The following UBASH3B variants were observed in gnomAD, a reference collection of about 807,000 sequenced individuals.
UBASH3B encodes ubiquitin-associated and SH3 domain-containing protein B.
UBASH3B carries 37 observed loss-of-function variants against 83.4 expected under a neutral mutation model. The ratio of observed to expected loss-of-function variants is 0.44; its 90% CI spans 0.34 to 0.58. The LOEUF is 0.58. UBASH3B is among the 20% of genes least tolerant of loss of function. UBASH3B has a pLI of 0.01. For missense variants in UBASH3B, 657 were observed against 827.2 expected (o/e 0.79, Z 2.52); for synonymous variants, 304 against 318.3 (o/e 0.96, Z 0.48).
intron 1 of UBASH3B, among the ~76,000 whole-genome samples, chr11:122,706,041 T>C (rs1006955098): frequency 1.3e-5 from 2 of 151,766 alleles, no homozygotes; most frequent in African/African-American, 2.4e-5. Flanking sequence ...GGTCAAAATG[T>C]CCATCATGAA....
At position 122,806,457 on chromosome 11, in the gene UBASH3B, C is replaced by T; in HGVS notation, c.1643C>T (p.Thr548Ile). The T allele has an allele frequency of 6.2e-7, 1 of 1,606,164 alleles. No individual in the cohort carries two copies. The highest frequency in any genetic ancestry group is 8.5e-7 in the Non-Finnish European group (1 of 1,177,470). The change falls in exon 12 of 14, where the codon ACT becomes ATT. Residue 548 changes from threonine (T) to isoleucine (I), a missense_variant. Coordinates refer to ENST00000284273, the MANE Select transcript of UBASH3B (RefSeq NM_032873.5). This position sits in a 1 kb window ranked among gnomAD's most constrained non-coding sequence, Gnocchi z 4.0. Reference sequence around the variant, plus strand: ...TTAGTTGTTTCAGAATCCTATGATACTTATATCAGTAGAAGTTTCCAAGTA... The same window carrying T: ...TTAGTTGTTTCAGAATCCTATGATATTTATATCAGTAGAAGTTTCCAAGTA... ...SKLVVSESYD[T>I]YISRSFQVTK...
intron 11 of UBASH3B, among the ~76,000 whole-genome samples, chr11:122,804,597 C>T (rs1861306642): frequency 6.6e-6 from 1 of 152,112 alleles, no homozygotes; most frequent in African/African-American, 2.4e-5. Flanking sequence ...TTTTGTCATC[C>T]ATAAACAGCA....
At chr11:122,763,765 A>G (rs1860484990) in intron 1 of UBASH3B, among the ~76,000 whole-genome samples, 1 of 152,218 alleles carries the variant, frequency 6.6e-6, no homozygotes. Flanking sequence ...TGTGATCAAT[A>G]TATCTTTCTC....
intron 1 of UBASH3B, among the ~76,000 whole-genome samples, chr11:122,754,990 G>A (rs1170864235): frequency 6.6e-6 from 1 of 152,176 alleles, no homozygotes; most frequent in African/African-American, 2.4e-5. Flanking sequence ...GCGGTGGAAT[G>A]GGCACTTGAC....
chr11:122,656,380 G>T (rs889089068), intron 1 of UBASH3B, among the ~76,000 whole-genome samples, 170 bp downstream of exon 1: 2 of 152,094 alleles, frequency 1.3e-5, no homozygotes, highest in Non-Finnish European at 2.9e-5. Flanking sequence ...CTCGGCTCCG[G>T]GCGGGGGTGC....
chr11:122,656,739 A>G (rs1863369861), intron 1 of UBASH3B, among the ~76,000 whole-genome samples: 1 of 152,016 alleles, frequency 6.6e-6, no homozygotes, highest in Admixed American at 6.6e-5. Flanking sequence ...CTCCCCCTGG[A>G]GTAGGAGGAG....
At chr11:122,660,405 AG>A (rs1863423333) in intron 1 of UBASH3B, among the ~76,000 whole-genome samples, 2 of 152,200 alleles carry the variant, frequency 1.3e-5, no homozygotes, top group Admixed American at 1.3e-4. Context: ...CCCTGTTTTA[AG>A]GGTTCTAAAA....
chr11:122,754,284 G>C (rs182021177), intron 1 of UBASH3B, among the ~76,000 whole-genome samples: 19 of 152,226 alleles, frequency 1.2e-4, no homozygotes, highest in Admixed American at 8.5e-4. Flanking sequence ...GATGTTTCAG[G>C]CTTCTCTGTC....
intron 1 of UBASH3B, among the ~76,000 whole-genome samples, chr11:122,762,929 T>C (rs531781598): frequency 6.6e-6 from 1 of 152,384 alleles, no homozygotes; most frequent in East Asian, 1.9e-4. Context: ...AAAGGTTATT[T>C]GTGTTAAGTA....
At chr11:122,684,796 C>T (rs1261021765) in intron 1 of UBASH3B, among the ~76,000 whole-genome samples, 1 of 152,124 alleles carries the variant, frequency 6.6e-6, no homozygotes, top group Non-Finnish European at 1.5e-5. Context: ...CGGGATTTCT[C>T]CATGTTGGTC....
chr11:122,658,429 T>C lies in UBASH3B; in HGVS notation c.161+2219T>C, dbSNP rs577477913. On this transcript the variant is annotated intron_variant, in intron 1 of 13. Coordinates refer to ENST00000284273, the MANE Select transcript of UBASH3B (RefSeq NM_032873.5). ...GAGGTCTTGACATGTCTTGACAGAT[T>C]AGCATAAGGGTCATTTTTGGCTTGT... Among the ~76,000 whole-genome samples the C allele has an allele frequency of 4.6e-5, 7 of 152,336 alleles. No individual in the cohort carries two copies. The East Asian group carries it at 1.3e-3, about 29-fold the overall frequency.
chr11:122,754,510 G>C (rs1861253077), intron 1 of UBASH3B, among the ~76,000 whole-genome samples: 1 of 152,228 alleles, frequency 6.6e-6, no homozygotes, highest in Non-Finnish European at 1.5e-5. Context: ...AACAGCATTA[G>C]GCTTGAGGCT....
intron 1 of UBASH3B, among the ~76,000 whole-genome samples, chr11:122,768,223 T>C (rs1190204648): frequency 6.6e-6 from 1 of 152,104 alleles, no homozygotes; most frequent in African/African-American, 2.4e-5. Context: ...AGTAGATATC[T>C]CAGACCTGAT....
rs749451697 is a variant in UBASH3B at position 122,789,081 on chromosome 11, C to T, written c.772-19C>T. The T allele has an allele frequency of 1.1e-5, 17 of 1,604,992 alleles. No homozygotes were observed. Among genetic ancestry groups the T allele is most frequent in the Non-Finnish European group, 1.4e-5 (16 of 1,174,128 alleles). ...AATGGTGAGGCATGGGGCTCACTCACCCTCTCTTCCTTTTCCAGACATTAC... is the reference window on the plus strand; with the variant it reads ...AATGGTGAGGCATGGGGCTCACTCATCCTCTCTTCCTTTTCCAGACATTAC... On this transcript the variant is annotated intron_variant, in intron 5 of 13. Transcript: ENST00000284273.
intron 1 of UBASH3B, among the ~76,000 whole-genome samples, chr11:122,724,361 C>T (rs950418723): frequency 1.3e-5 from 2 of 152,178 alleles, no homozygotes; most frequent in Non-Finnish European, 2.9e-5. Context: ...GGCATAAGTG[C>T]TAACTTCACT....
chr11:122,810,064 A>G lies in UBASH3B; in HGVS notation c.*178A>G. 1 of 731,076 alleles carries G rather than the reference A, an allele frequency of 1.4e-6. No individual in the cohort carries two copies. Among genetic ancestry groups the G allele is most frequent in the Non-Finnish European group, 2.1e-6 (1 of 474,964 alleles). 45.3% of individuals were successfully genotyped at this position (731,076 alleles called of 1,614,324 possible). Reference sequence around the variant, plus strand: ...TGTAAATGAGAGAAAGACTTGATTCAGAGGAAAAAAATGTGTTCTCTCTGG... The same window carrying G: ...TGTAAATGAGAGAAAGACTTGATTCGGAGGAAAAAAATGTGTTCTCTCTGG... On this transcript the variant is annotated 3_prime_UTR_variant, in exon 14 of 14. Transcript: ENST00000284273.
intron 1 of UBASH3B, among the ~76,000 whole-genome samples, chr11:122,764,881 C>T (rs571535631): frequency 9.2e-5 from 14 of 152,166 alleles, no homozygotes; most frequent in African/African-American, 3.4e-4. Context: ...CAGCCTAAGC[C>T]AACAGAAGAG....
At chr11:122,706,346 C>T (rs1462781763) in intron 1 of UBASH3B, among the ~76,000 whole-genome samples, 1 of 152,104 alleles carries the variant, frequency 6.6e-6, no homozygotes, top group Non-Finnish European at 1.5e-5. Context: ...AAGAATCCCT[C>T]TCCATTGCTA....
At chr11:122,724,984 G>T (rs1488239914) in intron 1 of UBASH3B, among the ~76,000 whole-genome samples, 1 of 151,942 alleles carries the variant, frequency 6.6e-6, no homozygotes, top group African/African-American at 2.4e-5. Context: ...ACAGAGTCTT[G>T]CTCTTTCCCC....
Sources: allele counts gnomAD v4.1 joint callset (sites outside exome capture counted in the v4.1 genomes callset), GRCh38; gene constraint gnomAD v4.1.1; non-coding constraint Gnocchi (gnomAD v3.1); transcripts MANE v1.5; gene names NCBI Gene and HGNC (gene_info 2026-07-23, HGNC 2026-07-21).